The following ATP6V0D1 variants were observed in gnomAD, a reference collection of about 807,000 sequenced individuals.
ATP6V0D1 encodes the protein V-type proton ATPase subunit d 1.
In ATP6V0D1, 13 loss-of-function variants were observed where a neutral mutation model predicts 39.0. The ratio of observed to expected loss-of-function variants is 0.33; its 90% CI spans 0.22 to 0.53. The LOEUF (loss-of-function observed/expected upper bound fraction) is 0.53, where lower values mean the gene tolerates loss of function less well. ATP6V0D1 is among the 20% of genes least tolerant of loss of function. The pLI is 0.94. For synonymous variants in ATP6V0D1, 191 were observed against 191.2 expected (o/e 1.00, Z 0.01); for missense variants, 272 against 470.9 (o/e 0.58, Z 3.91).
rs1329713839 is a variant in ATP6V0D1, at chr16:67,439,356, A to C, written c.562-5T>G. On this transcript the variant is annotated splice_region_variant and splice_polypyrimidine_tract_variant and intron_variant, in intron 4 of 7. Transcript: ENST00000290949. ...GTAGAAGGACTCCAGGTAGGCCTGTAGAGAGTATGGAGCTTGCTCAGCACA... is the reference window on the plus strand; with the variant it reads ...GTAGAAGGACTCCAGGTAGGCCTGTCGAGAGTATGGAGCTTGCTCAGCACA... The C allele has an allele frequency of 2.5e-6, 4 of 1,613,826 alleles. No homozygotes were observed. The highest frequency in any genetic ancestry group is 3.4e-6 in the Non-Finnish European group (4 of 1,179,976).
intron 1 of ATP6V0D1, among the ~76,000 whole-genome samples, chr16:67,468,159 C>G (rs2041345092): frequency 6.6e-6 from 1 of 152,044 alleles, no homozygotes; most frequent in African/African-American, 2.4e-5. Flanking sequence ...GACATGGTAA[C>G]ACATGCCTGT....
intron 4 of ATP6V0D1, chr16:67,439,769 C>T (rs1346082410): frequency 9.1e-6 from 2 of 218,756 alleles, no homozygotes; most frequent in African/African-American, 4.5e-5. Context: ...CGCCTGTAAT[C>T]CCAGCACTTT....
At chr16:67,451,456 G>A (rs1212157620) in intron 2 of ATP6V0D1, among the ~76,000 whole-genome samples, 1 of 152,220 alleles carries the variant, frequency 6.6e-6, no homozygotes, top group Non-Finnish European at 1.5e-5. Flanking sequence ...GGGCTGGAGG[G>A]CCTGAAGGCT....
chr16:67,470,725 C>T (rs2041365982), intron 1 of ATP6V0D1, among the ~76,000 whole-genome samples: 1 of 152,180 alleles, frequency 6.6e-6, no homozygotes, highest in South Asian at 2.1e-4. Context: ...TAGAATACTT[C>T]CCCTCCCACC....
At chr16:67,448,170 C>G (rs2041138544) in intron 2 of ATP6V0D1, among the ~76,000 whole-genome samples, 1 of 151,882 alleles carries the variant, frequency 6.6e-6, no homozygotes, top group South Asian at 2.1e-4. Context: ...GGCAACATAG[C>G]AAGACCTCAT....
At position 67,438,285 on chromosome 16, in the gene ATP6V0D1, C is replaced by G; in HGVS notation, c.*243G>C. 1.8e-6 allele frequency: 1 copy of G among 562,164 alleles called. No homozygotes were observed. Among genetic ancestry groups the G allele is most frequent in the South Asian group, 2.1e-5 (1 of 47,894 alleles). The allele number at this position is 562,164 out of a possible 1,614,324, so 34.8% of individuals were successfully genotyped here. A position where few individuals can be genotyped will look rare whatever the true frequency, so the allele number is the denominator to read the frequency against. On this transcript the variant is annotated 3_prime_UTR_variant, in exon 8 of 8. Transcript: ENST00000290949. ...GTAACCACAGGGCTGAGGGGGCCTC[C>G]TTGCTCTGGAGGGGGTCTTCGTCCA...
intron 1 of ATP6V0D1, among the ~76,000 whole-genome samples, chr16:67,461,152 T>C (rs1219189135): frequency 6.6e-6 from 1 of 152,216 alleles, no homozygotes; most frequent in African/African-American, 2.4e-5. Context: ...GCTTAGGCTG[T>C]CCTACTAAGT....
At chr16:67,458,373 C>A (rs1280758334) in intron 1 of ATP6V0D1, among the ~76,000 whole-genome samples, 1 of 152,182 alleles carries the variant, frequency 6.6e-6, no homozygotes, top group African/African-American at 2.4e-5. Flanking sequence ...ACCTGGCCAC[C>A]CAGCCCTGGC....
At chr16:67,458,380 T>C (rs556745243) in intron 1 of ATP6V0D1, among the ~76,000 whole-genome samples, 1 of 152,322 alleles carries the variant, frequency 6.6e-6, no homozygotes, top group African/African-American at 2.4e-5. Flanking sequence ...CACCCAGCCC[T>C]GGCCCAGCCT....
chr16:67,443,974 AG>A (rs1481537792), intron 3 of ATP6V0D1, among the ~76,000 whole-genome samples: 4 of 152,240 alleles, frequency 2.6e-5, no homozygotes, highest in African/African-American at 9.6e-5. Flanking sequence ...CTAAGCAGGC[AG>A]GAACTAGCAC....
chr16:67,452,095 G>A lies in ATP6V0D1; in HGVS notation c.302+1449C>T, dbSNP rs187823790. 39 of 1,164,210 alleles carry A rather than the reference G, an allele frequency of 3.3e-5. No homozygotes were observed. In the African/African-American group the frequency reaches 5.0e-4, roughly 15 times the overall value. The allele number at this position is 1,164,210 out of a possible 1,614,324, so 72.1% of individuals were successfully genotyped here. On this transcript the variant is annotated intron_variant, in intron 2 of 7. Coordinates refer to ENST00000290949, the MANE Select transcript of ATP6V0D1 (RefSeq NM_004691.5). ...TGTACTGCTTCCTGGTATGTCCTCA[G>A]CTCTGGCTTTGCAGCAAGGAACACA...
Position 67,438,837 on chromosome 16 carries a change from T to G in ATP6V0D1, c.850A>C (p.Asn284His), listed in dbSNP as rs964215939. The G allele has an allele frequency of 6.2e-7, 1 of 1,611,080 alleles. No individual in the cohort carries two copies. Among genetic ancestry groups the G allele is most frequent in the African/African-American group, 1.4e-5 (1 of 73,974 alleles). The change falls in exon 7 of 8, where the codon AAC becomes CAC. Residue 284 changes from asparagine (N) to histidine (H), a missense_variant. By Grantham distance (68) the Asn-to-His change is moderately conservative. Around this residue, in one of 4 missense-constraint regions of ATP6V0D1, gnomAD observed 21 missense variants for 16.5 expected, o/e 1.27. Transcript: ENST00000290949. ...YKLLFEGAGS[N>H]PGDKTLEDRF... ...TCCTCCAGCGTCTTGTCTCCAGGGT[T>G]GCTACCTGCACCCTCGAAGAGCAGC...
intron 1 of ATP6V0D1, among the ~76,000 whole-genome samples, chr16:67,461,890 C>G (rs1259333140): frequency 6.6e-6 from 1 of 152,182 alleles, no homozygotes; most frequent in Non-Finnish European, 1.5e-5. Flanking sequence ...TGCTCTGGGA[C>G]AGGTGGTAGG....
At chr16:67,455,118 T>G (rs1394994527) in intron 1 of ATP6V0D1, 1 of 152,210 alleles carries the variant, frequency 6.6e-6, no homozygotes, top group Non-Finnish European at 1.5e-5. Flanking sequence ...CTTGGAAGAC[T>G]ACATGCCTCT....
intron 1 of ATP6V0D1, among the ~76,000 whole-genome samples, chr16:67,465,285 G>A (rs938142079): frequency 2.0e-5 from 3 of 152,160 alleles, no homozygotes; most frequent in Admixed American, 6.5e-5. Flanking sequence ...TGGTGTTCAG[G>A]TGCCTGGTTT....
chr16:67,460,506 C>A (rs1041726680), intron 1 of ATP6V0D1, among the ~76,000 whole-genome samples: 1 of 152,136 alleles, frequency 6.6e-6, no homozygotes, highest in Non-Finnish European at 1.5e-5. Flanking sequence ...AAACCATTAA[C>A]CCTGGGTTTA....
rs1028365356 is a variant in ATP6V0D1 at position 67,447,075 on chromosome 16, T to C, written c.303-2369A>G. 6.6e-6 allele frequency among the ~76,000 whole-genome samples: 1 copy of C among 152,126 alleles called. No homozygotes were observed. Among genetic ancestry groups the C allele is most frequent in the African/African-American group, 2.4e-5 (1 of 41,424 alleles). ...GAGGGATCCCCACCAGCCAATCTCC[T>C]CTTTTTCAACGTCCCCCTCCTTGCG... On this transcript the variant is annotated intron_variant, in intron 2 of 7. Transcript: ENST00000290949. This position sits in a 1 kb window ranked among gnomAD's most constrained non-coding sequence, Gnocchi z 4.1.
intron 4 of ATP6V0D1, chr16:67,441,792 G>A (rs530407329): frequency 1.3e-5 from 2 of 152,218 alleles, no homozygotes; most frequent in South Asian, 4.1e-4. Flanking sequence ...CTAGTTCCTA[G>A]CGCAGTCTGA....
At chr16:67,474,572 C>T (rs1460300787) in intron 1 of ATP6V0D1, among the ~76,000 whole-genome samples, 2 of 152,238 alleles carry the variant, frequency 1.3e-5, no homozygotes, top group Admixed American at 1.3e-4. Context: ...GAGCTACCCA[C>T]ATTTCAGGGA....
Sources: gnomAD v4.1 joint callset for allele counts (sites outside exome capture counted in the v4.1 genomes callset) on GRCh38, gnomAD v4.1.1 for gene constraint, gnomAD v4.1.1 regional missense constraint, Gnocchi (gnomAD v3.1) non-coding constraint, MANE v1.5 for transcripts, NCBI Gene and HGNC (gene_info 2026-07-23, HGNC 2026-07-21) for gene names.